Variants in ZFHX3 observed in about 807,000 individuals in gnomAD.
The protein encoded by ZFHX3 is zinc finger homeobox 3, also known as zinc finger homeobox protein 3.
Under a neutral mutation model 279.1 loss-of-function variants are expected in ZFHX3, and 42 were observed. That is an observed-to-expected ratio of 0.15 (90% confidence interval 0.12 to 0.19). The LOEUF (loss-of-function observed/expected upper bound fraction) is 0.19, where lower values mean the gene tolerates loss of function less well. Among genes scored for constraint, ZFHX3 ranks in the 10% least tolerant of loss-of-function variants. ZFHX3 has a pLI of 1.00. For synonymous variants in ZFHX3, 2,293 were observed against 1,957.8 expected, an observed-to-expected ratio of 1.17 and a Z score of -4.52; for missense variants, 4,981 against 4,754.0, an observed-to-expected ratio of 1.05 and a Z score of -1.40.
chr16:73,165,362 C>G (rs560495949), intron 5 of ZFHX3, among the ~76,000 whole-genome samples: 2 of 152,174 alleles, frequency 1.3e-5, no homozygotes, highest in Non-Finnish European at 2.9e-5. Flanking sequence ...CGATTATGCT[C>G]AAGCCTCTGG....
In ZFHX3 at chr16:73,353,000, G is replaced by A. The variant is rs1346338251; in HGVS notation, c.-1290-34664C>T. ...AGAGAGTTGCTGATGAGGAGATGTG[G>A]AGCAGGACACGAAGAGATGTGTCTC... On this transcript the variant is annotated intron_variant, in intron 3 of 17. Transcript: ENST00000641206. 3.9e-5 allele frequency among the ~76,000 whole-genome samples: 6 copies of A among 152,254 alleles called. No individual in the cohort carries two copies. In the South Asian group the frequency reaches 1.2e-3, roughly 32 times the overall value.
intron 2 of ZFHX3, among the ~76,000 whole-genome samples, chr16:73,630,775 T>C (rs1445367292): frequency 6.6e-6 from 1 of 152,216 alleles, no homozygotes; most frequent in African/African-American, 2.4e-5. Flanking sequence ...ATGGTGGTGC[T>C]CAACTTGTAA....
chr16:73,171,441 T>C (rs1206446350), intron 5 of ZFHX3, among the ~76,000 whole-genome samples: 3 of 127,824 alleles, frequency 2.3e-5, no homozygotes, highest in Non-Finnish European at 3.1e-5. Flanking sequence ...TGGTCTACAG[T>C]GAATGTGTAA....
intron 5 of ZFHX3, among the ~76,000 whole-genome samples, chr16:72,817,618 A>T (rs2036651901): frequency 6.6e-6 from 1 of 152,284 alleles, no homozygotes; most frequent in South Asian, 2.1e-4. Flanking sequence ...GATGCAGACC[A>T]TTCTCCCTCT....
intron 1 of ZFHX3, among the ~76,000 whole-genome samples, chr16:73,886,313 A>C (rs920756821): frequency 2.6e-5 from 4 of 152,196 alleles, no homozygotes; most frequent in African/African-American, 9.7e-5. Context: ...GGAAAAAAAA[A>C]CACCATTCCC....
intron 1 of ZFHX3, among the ~76,000 whole-genome samples, chr16:72,961,658 A>C (rs1961585757): frequency 6.7e-6 from 1 of 149,784 alleles, no homozygotes; most frequent in Admixed American, 6.6e-5. Context: ...TTGATTATTG[A>C]CTGCACAATG....
intron 2 of ZFHX3, among the ~76,000 whole-genome samples, chr16:73,490,797 A>G (rs1467389562): frequency 1.3e-5 from 2 of 152,194 alleles, no homozygotes; most frequent in Non-Finnish European, 1.5e-5. Context: ...TGATAGTGCC[A>G]TTGCATTCCA....
chr16:72,962,139 A>G (rs1431158825), intron 1 of ZFHX3, among the ~76,000 whole-genome samples: 1 of 152,224 alleles, frequency 6.6e-6, no homozygotes, highest in East Asian at 1.9e-4. Context: ...TTACAGGAAC[A>G]TGCGGGAAGG....
intron 5 of ZFHX3, among the ~76,000 whole-genome samples, chr16:73,153,417 G>A (rs1296191015): frequency 6.6e-6 from 1 of 151,116 alleles, no homozygotes; most frequent in Non-Finnish European, 1.5e-5. Flanking sequence ...ACCTAGCCTT[G>A]GGGTGAATTT....
intron 2 of ZFHX3, among the ~76,000 whole-genome samples, chr16:73,565,540 T>C (rs1334201070): frequency 6.6e-6 from 1 of 152,184 alleles, no homozygotes; most frequent in Admixed American, 6.5e-5. Flanking sequence ...TTCGGGGCAC[T>C]TAATAGTTTA....
rs150731719 is a variant in ZFHX3, at chr16:73,197,530, G to T, written c.-1103-53699C>A. Among the ~76,000 whole-genome samples the T allele has an allele frequency of 7.8e-3, 1,194 of 152,334 alleles. 21 individuals carry two copies. Among genetic ancestry groups the T allele is most frequent in the African/African-American group, 0.027 (1,109 of 41,566 alleles). On this transcript the variant is annotated intron_variant, in intron 5 of 17. Transcript: ENST00000641206. ...ATGCTCATGCAAGGAGGTGAGGAAA[G>T]TCAACTAAGCGGATAATTCAAACCA...
At chr16:73,463,143 C>T (rs2018501144) in intron 2 of ZFHX3, among the ~76,000 whole-genome samples, 1 of 152,182 alleles carries the variant, frequency 6.6e-6, no homozygotes, top group Non-Finnish European at 1.5e-5. Flanking sequence ...TTCTGCTTCC[C>T]TGATTGAACC....
chr16:73,416,596 G>A (rs947883998), intron 3 of ZFHX3, among the ~76,000 whole-genome samples: 1 of 152,156 alleles, frequency 6.6e-6, no homozygotes, highest in African/African-American at 2.4e-5. Flanking sequence ...GAAGTCGGCC[G>A]GACGCGGTGG....
chr16:73,567,942 T>C (rs2020473388), intron 2 of ZFHX3, among the ~76,000 whole-genome samples: 1 of 152,202 alleles, frequency 6.6e-6, no homozygotes, highest in African/African-American at 2.4e-5. Context: ...TCTCCTTTTA[T>C]CTGCTGTTCC....
chr16:73,361,881 G>A (rs1200672264), intron 3 of ZFHX3, among the ~76,000 whole-genome samples: 5 of 152,128 alleles, frequency 3.3e-5, no homozygotes, highest in Admixed American at 2.6e-4. Flanking sequence ...TGGCCAATAG[G>A]AGGGATTTCT....
chr16:72,784,912 T>TA lies in ZFHX3; in HGVS notation c.*2251dup, dbSNP rs2035293034. On this transcript the variant is annotated 3_prime_UTR_variant, in exon 10 of 10. Transcript: ENST00000268489. Reference sequence around the variant, plus strand: ...TTCATAAAAATAAAATAGTCCCGGCTAAAAAAGAAAAAAAGAAAAAAAATC... The same window carrying TA: ...TTCATAAAAATAAAATAGTCCCGGCTAAAAAAAGAAAAAAAGAAAAAAAATC... 6.6e-6 allele frequency: 1 copy of TA among 152,236 alleles called. No individual in the cohort carries two copies. The highest frequency in any genetic ancestry group is 1.5e-5 in the Non-Finnish European group (1 of 67,972). 9.4% of individuals were successfully genotyped at this position (152,236 alleles called of 1,614,324 possible).
At chr16:73,445,329 GGA>G (rs1197332423) in intron 3 of ZFHX3, among the ~76,000 whole-genome samples, 2 of 149,064 alleles carry the variant, frequency 1.3e-5, no homozygotes, top group African/African-American at 2.5e-5. Context: ...TGTATGGGGG[GGA>G]GAGAGAGAGA....
intron 1 of ZFHX3, among the ~76,000 whole-genome samples, chr16:73,684,244 A>G (rs914827880): frequency 2.6e-5 from 4 of 152,136 alleles, no homozygotes; most frequent in African/African-American, 9.7e-5. Context: ...TCCAGACTTA[A>G]TCTATGCATT....
chr16:73,652,813 C>CA (rs1211028159), intron 2 of ZFHX3, among the ~76,000 whole-genome samples: 1 of 151,620 alleles, frequency 6.6e-6, no homozygotes, highest in Non-Finnish European at 1.5e-5. Context: ...CATATGAATA[C>CA]AAAAAATAGA....
Sources: allele counts gnomAD v4.1 joint callset (sites outside exome capture counted in the v4.1 genomes callset), GRCh38; gene constraint gnomAD v4.1.1; transcripts MANE v1.5; gene names NCBI Gene and HGNC (gene_info 2026-07-23, HGNC 2026-07-21).